Variants in ZNF737 observed in about 807,000 individuals in gnomAD.
ZNF737 encodes zinc finger protein 102 (Y3).
A neutral mutation model predicts 11.7 loss-of-function variants in ZNF737; 13 were observed. That is an observed-to-expected ratio of 1.11 (90% CI 0.73 to 1.77). The LOEUF is 1.77. ZNF737 is among the 40% of genes most tolerant of loss of function. The probability of loss-of-function intolerance (pLI) is 0.00; values close to 1 mark genes in which losing one functional copy is unlikely to be tolerated. For synonymous variants in ZNF737, 217 were observed against 216.2 expected (o/e 1.00, Z -0.03); for missense variants, 636 against 638.0 (o/e 1.00, Z 0.03).
chr19:20,539,717 A>T lies in ZNF737; in HGVS notation c.*4875T>A, dbSNP rs781876650. ...TGTTTTTAAGGTTTTTCAAATATGA[A>T]AACAGACAATTAGGTATACTTTTTG... On this transcript the variant is annotated 3_prime_UTR_variant, in exon 4 of 4. Coordinates refer to ENST00000427401, the MANE Select transcript of ZNF737 (RefSeq NM_001159293.2). 4.1e-6 allele frequency: 4 copies of T among 980,878 alleles called. No individual in the cohort carries two copies. The highest frequency in any genetic ancestry group is 4.8e-6 in the Non-Finnish European group (4 of 825,850). 60.8% of individuals were successfully genotyped at this position (980,878 alleles called of 1,614,324 possible).
At position 20,541,642 on chromosome 19, in the gene ZNF737, C is replaced by A. The variant is rs1432958397; in HGVS notation, c.*2950G>T. On this transcript the variant is annotated 3_prime_UTR_variant, in exon 4 of 4. Coordinates refer to ENST00000427401, the MANE Select transcript of ZNF737 (RefSeq NM_001159293.2). ...GGTTTCACCACGTTGGCCAGGCTGG[C>A]CTTGAACTCCTAACCTCAAGCATTC... is the stretch of plus-strand genomic sequence containing the variant. Among the ~76,000 whole-genome samples, 1 of 152,040 alleles carries A rather than the reference C, an allele frequency of 6.6e-6. No homozygotes were observed. Among genetic ancestry groups the A allele is most frequent in the Non-Finnish European group, 1.5e-5 (1 of 67,994 alleles).
At chr19:20,558,280 C>A (rs377673730) in intron 1 of ZNF737, among the ~76,000 whole-genome samples, 32 of 142,708 alleles carry the variant, frequency 2.2e-4, no homozygotes, top group African/African-American at 3.4e-4. Context: ...GACTCCGTCT[C>A]AAAAAAAAAA....
chr19:20,558,864 G>T (rs1280910657), intron 1 of ZNF737, among the ~76,000 whole-genome samples: 1 of 152,196 alleles, frequency 6.6e-6, no homozygotes, highest in Non-Finnish European at 1.5e-5. Flanking sequence ...CAACAGAATA[G>T]AGAGCCCAGA....
chr19:20,537,871 C>T (rs1599392450), downstream of ZNF737: 2 of 172,826 alleles, frequency 1.2e-5, no homozygotes, highest in East Asian at 3.8e-4. Flanking sequence ...AAGACATGAT[C>T]TTATTCAAAT....
At chr19:20,531,303 G>A (rs1465975182), downstream of ZNF737, among the ~76,000 whole-genome samples, 2 of 147,692 alleles carry the variant, frequency 1.4e-5, no homozygotes, top group African/African-American at 2.5e-5. Context: ...ACTCTTGTTC[G>A]AACGCCTCCA....
rs1555763658 is a variant in ZNF737 at position 20,565,749 on chromosome 19, G to A, written c.-109C>T. The A allele has an allele frequency of 1.3e-6, 2 of 1,547,972 alleles. No individual in the cohort carries two copies. The highest frequency in any genetic ancestry group is 1.7e-4 in the Middle Eastern group (1 of 5,942). On this transcript the variant is annotated 5_prime_UTR_variant, in exon 1 of 4. Transcript: ENST00000427401. ...CTAGGAGCAGAGGACACACAGCAGTGAAGACAAGACCTGGAGCTCCGGCTG... is the reference window on the plus strand; with the variant it reads ...CTAGGAGCAGAGGACACACAGCAGTAAAGACAAGACCTGGAGCTCCGGCTG...
At position 20,541,701 on chromosome 19, in the gene ZNF737, C is replaced by T. The variant is rs1208024645; in HGVS notation, c.*2891G>A. Among the ~76,000 whole-genome samples the T allele has an allele frequency of 3.9e-5, 6 of 152,204 alleles. No homozygotes were observed. Among genetic ancestry groups the T allele is most frequent in the African/African-American group, 1.4e-4 (6 of 41,458 alleles). ...TCGGCCTCCCAAAGTGCTGGAATTA[C>T]AGATGTGAGCCACTGTGCCTGGCCG... On this transcript the variant is annotated 3_prime_UTR_variant, in exon 4 of 4. Coordinates refer to ENST00000427401, the MANE Select transcript of ZNF737 (RefSeq NM_001159293.2).
rs1968269048 is a variant in ZNF737 at position 20,542,783 on chromosome 19, G to A, written c.*1809C>T. On this transcript the variant is annotated 3_prime_UTR_variant, in exon 4 of 4. Transcript: ENST00000427401. ...GAAAAAGTCATAATGTCCAAATAAT[G>A]TAAAAAAATCGAATATCTCTGATGC... The A allele has an allele frequency of 2.0e-6, 2 of 985,098 alleles. No homozygotes were observed. The highest frequency in any genetic ancestry group is 9.4e-5 in the South Asian group (2 of 21,272). The allele number at this position is 985,098 out of a possible 1,614,324, so 61.0% of individuals were successfully genotyped here.
Position 20,565,759 on chromosome 19 carries a change from C to T in ZNF737, c.-119G>A, listed in dbSNP as rs1969276577. ...AGGACACACAGCAGTGAAGACAAGA[C>T]CTGGAGCTCCGGCTGCAGAGACAAA... is the stretch of plus-strand genomic sequence containing the variant. On this transcript the variant is annotated 5_prime_UTR_variant, in exon 1 of 4. Transcript: ENST00000427401. The T allele has an allele frequency of 6.6e-7, 1 of 1,512,890 alleles. No individual in the cohort carries two copies. The highest frequency in any genetic ancestry group is 1.4e-5 in the African/African-American group (1 of 72,806). The allele number at this position is 1,512,890 out of a possible 1,614,324, so 93.7% of individuals were successfully genotyped here. A position where few individuals can be genotyped will look rare whatever the true frequency, so the allele number is the denominator to read the frequency against.
Position 20,542,658 on chromosome 19 carries a change from A to G in ZNF737, c.*1934T>C, listed in dbSNP as rs1355713132. On this transcript the variant is annotated 3_prime_UTR_variant, in exon 4 of 4. Transcript: ENST00000427401. Reference sequence around the variant, plus strand: ...ACTATAATAAAGTATTGCTCTGAACATTTACGTTATACATTACTTAATAGA... The same window carrying G: ...ACTATAATAAAGTATTGCTCTGAACGTTTACGTTATACATTACTTAATAGA... 1 of 982,144 alleles carries G rather than the reference A, an allele frequency of 1.0e-6. No individual in the cohort carries two copies. The highest frequency in any genetic ancestry group is 1.2e-6 in the Non-Finnish European group (1 of 827,134). The allele number at this position is 982,144 out of a possible 1,614,324, so 60.8% of individuals were successfully genotyped here.
downstream of ZNF737, among the ~76,000 whole-genome samples, chr19:20,531,180 A>G (rs1967816374): frequency 7.1e-6 from 1 of 141,442 alleles, no homozygotes; most frequent in African/African-American, 2.7e-5. Context: ...TGGCAGCAGC[A>G]CAGTCCAGCT....
At chr19:20,535,302 T>G (rs1555753607), downstream of ZNF737, among the ~76,000 whole-genome samples, 1 of 151,192 alleles carries the variant, frequency 6.6e-6, no homozygotes, top group Non-Finnish European at 1.5e-5. Flanking sequence ...AACAACAAAA[T>G]AAAAGAGAAG....
Position 20,542,631 on chromosome 19 carries a change from T to C in ZNF737, c.*1961A>G. On this transcript the variant is annotated 3_prime_UTR_variant, in exon 4 of 4. Transcript: ENST00000427401. ...ATATACTTTTAATTATTTCTTTGTGTCACTATAATAAAGTATTGCTCTGAA... is the reference window on the plus strand; with the variant it reads ...ATATACTTTTAATTATTTCTTTGTGCCACTATAATAAAGTATTGCTCTGAA... 1 of 974,716 alleles carries C rather than the reference T, an allele frequency of 1.0e-6. No individual in the cohort carries two copies. The highest frequency in any genetic ancestry group is 1.2e-6 in the Non-Finnish European group (1 of 820,252). 60.4% of individuals were successfully genotyped at this position (974,716 alleles called of 1,614,324 possible).
intron 1 of ZNF737, among the ~76,000 whole-genome samples, chr19:20,555,672 A>G (rs1364051501): frequency 6.6e-6 from 1 of 152,236 alleles, no homozygotes; most frequent in African/African-American, 2.4e-5. Flanking sequence ...ACCTTTGACT[A>G]TCGTAAGAAT....
At chr19:20,560,216 G>A (rs1201262768) in intron 1 of ZNF737, among the ~76,000 whole-genome samples, 1 of 148,610 alleles carries the variant, frequency 6.7e-6, no homozygotes, top group Non-Finnish European at 1.5e-5. Context: ...GTGTGGTAAT[G>A]CCCGCGTGTA....
Position 20,539,262 on chromosome 19 carries a change from CGTGA to C in ZNF737, c.*5326_*5329del, listed in dbSNP as rs1181951389. ...CTGAGCACGTACCATTGCAGTGCAG[CGTGA>C]GTGACAGAGTGAGAATCCTTCTAAA... On this transcript the variant is annotated 3_prime_UTR_variant, in exon 4 of 4. Coordinates refer to ENST00000427401, the MANE Select transcript of ZNF737 (RefSeq NM_001159293.2). 9 of 942,016 alleles carry C rather than the reference CGTGA, an allele frequency of 9.6e-6. No individual in the cohort carries two copies. In the African/African-American group the frequency reaches 1.1e-4, roughly 11 times the overall value. The allele number at this position is 942,016 out of a possible 1,614,324, so 58.4% of individuals were successfully genotyped here. A position where few individuals can be genotyped will look rare whatever the true frequency, so the allele number is the denominator to read the frequency against.
Position 20,539,128 on chromosome 19 carries a change from TCTA to T in ZNF737, c.*5461_*5463del. 1 of 275,878 alleles carries T rather than the reference TCTA, an allele frequency of 3.6e-6. No individual in the cohort carries two copies. Among genetic ancestry groups the T allele is most frequent in the Non-Finnish European group, 4.5e-6 (1 of 222,596 alleles). The allele number at this position is 275,878 out of a possible 1,614,324, so 17.1% of individuals were successfully genotyped here. On this transcript the variant is annotated 3_prime_UTR_variant, in exon 4 of 4. Transcript: ENST00000427401. ...CTGGCTAACATGATGAAATCCCATC[TCTA>T]CTACAAAAATTATCCGGGCATAATG...
At chr19:20,549,452 AC>A (rs1412826795) in intron 3 of ZNF737, among the ~76,000 whole-genome samples, 1 of 151,968 alleles carries the variant, frequency 6.6e-6, no homozygotes, top group Non-Finnish European at 1.5e-5. Flanking sequence ...ATATAGTGAA[AC>A]CCCATCTCTG....
rs1245186906 is a variant in ZNF737 at position 20,541,810 on chromosome 19, T to C, written c.*2782A>G. The C allele has an allele frequency of 6.3e-6, 1 of 159,562 alleles. No individual in the cohort carries two copies. Among genetic ancestry groups the C allele is most frequent in the Non-Finnish European group, 1.3e-5 (1 of 74,818 alleles). 9.9% of individuals were successfully genotyped at this position (159,562 alleles called of 1,614,324 possible). A position where few individuals can be genotyped will look rare whatever the true frequency, so the allele number is the denominator to read the frequency against. ...AACAATTTAATTGTACATTTTAAAA[T>C]GAATAAAAGCATATAATTACACTAT... On this transcript the variant is annotated 3_prime_UTR_variant, in exon 4 of 4. Transcript: ENST00000427401.
Sources: allele counts gnomAD v4.1 joint callset (sites outside exome capture counted in the v4.1 genomes callset), GRCh38; gene constraint gnomAD v4.1.1; transcripts MANE v1.5; gene names NCBI Gene and HGNC (gene_info 2026-07-23, HGNC 2026-07-21).